THRB: variants seen among roughly 807,000 people sequenced by gnomAD.
The protein encoded by THRB is thyroid hormone receptor beta.
Under a neutral mutation model 47.8 loss-of-function variants are expected in THRB, and 12 were observed. The observed-to-expected ratio is 0.25, with a 90% CI of 0.16 to 0.41. The LOEUF (loss-of-function observed/expected upper bound fraction) is 0.41, where lower values mean the gene tolerates loss of function less well. Among genes scored for constraint, THRB ranks in the 10% least tolerant of loss-of-function variants. THRB has a pLI of 1.00. For missense variants in THRB, 348 were observed against 589.2 expected, an observed-to-expected ratio of 0.59 and a Z score of 4.24; for synonymous variants, 218 against 212.2, an observed-to-expected ratio of 1.03 and a Z score of -0.24.
At chr3:24,311,097 C>T (rs1160225378) in intron 2 of THRB, among the ~76,000 whole-genome samples, 4 of 152,108 alleles carry the variant, frequency 2.6e-5, no homozygotes, top group African/African-American at 7.2e-5. Context: ...ACAGCCTAGA[C>T]ACTTACTCAC....
At chr3:24,453,783 C>T (rs544030684) in intron 1 of THRB, among the ~76,000 whole-genome samples, 1 of 152,308 alleles carries the variant, frequency 6.6e-6, no homozygotes, top group South Asian at 2.1e-4. Flanking sequence ...CTCTACCTTA[C>T]CATCTTTCTA....
intron 1 of THRB, among the ~76,000 whole-genome samples, chr3:24,387,582 C>A (rs960631511): frequency 6.6e-6 from 1 of 152,176 alleles, no homozygotes; most frequent in Non-Finnish European, 1.5e-5. Context: ...AAACTTCTTG[C>A]ACGCAGGAAA....
rs186225131 is a variant in THRB, at chr3:24,277,624, T to C, written c.-43+19602A>G. 3.2e-3 allele frequency among the ~76,000 whole-genome samples: 483 copies of C among 152,314 alleles called. 1 individual carries two copies. Among genetic ancestry groups the C allele is most frequent in the Non-Finnish European group, 4.2e-3 (287 of 68,024 alleles). ...TCTATGATTTATGTGAGTTTTTTCA[T>C]CTATACAAGATTTTGGGTGAAAAGT... On this transcript the variant is annotated intron_variant, in intron 3 of 10. Transcript: ENST00000646209.
At chr3:24,270,918 C>T (rs2053254471) in intron 3 of THRB, among the ~76,000 whole-genome samples, 1 of 152,180 alleles carries the variant, frequency 6.6e-6, no homozygotes, top group Non-Finnish European at 1.5e-5. Context: ...TTAGTGACCC[C>T]TGACAAGGTT....
intron 3 of THRB, among the ~76,000 whole-genome samples, chr3:24,271,507 C>T (rs1009639082): frequency 2.0e-5 from 3 of 152,254 alleles, no homozygotes; most frequent in African/African-American, 4.8e-5. Flanking sequence ...TCCTTTAAAA[C>T]GAAGCACACT....
chr3:24,152,986 GAAA>G (rs2037238260), intron 5 of THRB, among the ~76,000 whole-genome samples: 2 of 149,208 alleles, frequency 1.3e-5, no homozygotes, highest in African/African-American at 4.9e-5. Flanking sequence ...AAGAAAGAAA[GAAA>G]GAAAGAAAGA....
At chr3:24,334,337 C>T (rs1210785495) in intron 2 of THRB, among the ~76,000 whole-genome samples, 1 of 151,940 alleles carries the variant, frequency 6.6e-6, no homozygotes, top group Non-Finnish European at 1.5e-5. Context: ...GAGAAGTCTG[C>T]ATTTTATAGG....
At chr3:24,175,470 C>T (rs2041018806) in intron 5 of THRB, among the ~76,000 whole-genome samples, 1 of 152,018 alleles carries the variant, frequency 6.6e-6, no homozygotes, top group Non-Finnish European at 1.5e-5. Flanking sequence ...TCAAAAAGAG[C>T]TCAGGATCCA....
intron 1 of THRB, among the ~76,000 whole-genome samples, chr3:24,417,438 C>G (rs1257394795): frequency 6.6e-6 from 1 of 151,870 alleles, no homozygotes; most frequent in Non-Finnish European, 1.5e-5. Flanking sequence ...CAGTTTCCAA[C>G]TACTGTGTTT....
chr3:24,275,093 C>G lies in THRB; in HGVS notation c.-43+22133G>C, dbSNP rs370778944. The stretch of plus-strand genomic sequence containing the variant: ...ACACGGCAGCTTGTTGAAACAGGAA[C>G]TTTGTATCTTGGGTTTTAAGAAAAA... On this transcript the variant is annotated intron_variant, in intron 3 of 10. Transcript: ENST00000646209. 4.5e-4 allele frequency among the ~76,000 whole-genome samples: 68 copies of G among 152,176 alleles called. 1 individual carries two copies. The highest frequency in any genetic ancestry group is 1.6e-3 in the African/African-American group (67 of 41,518).
At chr3:24,135,948 TG>T (rs1354787705) in intron 8 of THRB, among the ~76,000 whole-genome samples, 1 of 151,318 alleles carries the variant, frequency 6.6e-6, no homozygotes, top group Non-Finnish European at 1.5e-5. Flanking sequence ...AACATTGTTT[TG>T]GCCTGGCTGA....
At chr3:24,152,969 AAAAAGAAAGAAAGAAAG>A (rs1559465927) in intron 5 of THRB, among the ~76,000 whole-genome samples, 3 of 67,806 alleles carry the variant, frequency 4.4e-5, no homozygotes, top group Admixed American at 1.7e-4. Context: ...CCAAAAAAAA[AAAAAGAAAGAAAGAAAG>A]AAAGAAAGAA....
rs533688186 is a variant in THRB at position 24,302,979 on chromosome 3, T to C, written c.-188-5608A>G. On this transcript the variant is annotated intron_variant, in intron 2 of 10. Coordinates refer to ENST00000646209, the MANE Select transcript of THRB (RefSeq NM_001354712.2). The stretch of plus-strand genomic sequence containing the variant: ...CCTTGTCAAATATTCTTACTGATTG[T>C]TGCACTCCAGTTTTTTACTGGAGTC... 2.6e-5 allele frequency among the ~76,000 whole-genome samples: 4 copies of C among 152,360 alleles called. No individual in the cohort carries two copies. The South Asian group carries it at 8.3e-4, about 32-fold the overall frequency.
At chr3:24,143,829 G>A (rs750796261) in intron 7 of THRB, 123 bp from the exon 8 acceptor site, 6 of 960,798 alleles carry the variant, frequency 6.2e-6, no homozygotes, top group Non-Finnish European at 9.8e-6. Context: ...GGTCCTTCGG[G>A]GTGGGTCACA....
intron 3 of THRB, among the ~76,000 whole-genome samples, chr3:24,259,694 AGTTT>A (rs902979286): frequency 4.1e-5 from 6 of 147,364 alleles, no homozygotes; most frequent in Admixed American, 1.4e-4. Flanking sequence ...AGAGACTAGA[AGTTT>A]GTTTGTTTGT....
intron 1 of THRB, among the ~76,000 whole-genome samples, chr3:24,400,097 A>G (rs2150070105): frequency 6.6e-6 from 1 of 152,250 alleles, no homozygotes; most frequent in Middle Eastern, 3.4e-3. Context: ...AGTTTGCTTG[A>G]GCCCTAGGAG....
At chr3:24,378,691 A>T (rs1361279756) in intron 1 of THRB, among the ~76,000 whole-genome samples, 3 of 152,142 alleles carry the variant, frequency 2.0e-5, no homozygotes, top group Non-Finnish European at 2.9e-5. Context: ...ACAGACAGGA[A>T]ATATATGAAC....
At position 24,206,564 on chromosome 3, in the gene THRB, C is replaced by T. The variant is rs542609299; in HGVS notation, c.23-16230G>A. Among the ~76,000 whole-genome samples the T allele has an allele frequency of 6.0e-3, 916 of 152,048 alleles. 16 individuals are homozygous for T. Among genetic ancestry groups the T allele is most frequent in the African/African-American group, 0.02 (829 of 41,464 alleles). Reference sequence around the variant, plus strand: ...AGAGAAAGCAGGAAAGATCTAAAATCGACACCCTAACATCACAATTAAAAG... The same window carrying T: ...AGAGAAAGCAGGAAAGATCTAAAATTGACACCCTAACATCACAATTAAAAG... On this transcript the variant is annotated intron_variant, in intron 4 of 10. Coordinates refer to ENST00000646209, the MANE Select transcript of THRB (RefSeq NM_001354712.2).
intron 10 of THRB, 140 bp from the exon 11 acceptor site, chr3:24,123,265 T>C: frequency 8.1e-7 from 1 of 1,237,102 alleles, no homozygotes; most frequent in Non-Finnish European, 1.2e-6. Flanking sequence ...CAGCGTGAAC[T>C]CTGGTGCTCC....
Sources: allele counts gnomAD v4.1 joint callset (sites outside exome capture counted in the v4.1 genomes callset), GRCh38; gene constraint gnomAD v4.1.1; transcripts MANE v1.5; gene names NCBI Gene and HGNC (gene_info 2026-07-23, HGNC 2026-07-21).